The following PDE4B variants were observed in gnomAD, a reference collection of about 807,000 sequenced individuals.
PDE4B encodes phosphodiesterase 4B, also known as 3',5'-cyclic-AMP phosphodiesterase 4B.
In PDE4B, 20 loss-of-function variants were observed where a neutral mutation model predicts 82.2. That is an observed-to-expected ratio of 0.24 (90% CI 0.17 to 0.35). The LOEUF is 0.35. PDE4B is among the 10% of genes least tolerant of loss of function. The probability of loss-of-function intolerance (pLI) is 1.00; values close to 1 mark genes in which losing one functional copy is unlikely to be tolerated. For synonymous variants in PDE4B, 320 were observed against 318.9 expected (o/e 1.00, Z -0.04); for missense variants, 655 against 907.2 (o/e 0.72, Z 3.57).
chr1:66,272,887 T>C (rs1655611077), intron 7 of PDE4B, among the ~76,000 whole-genome samples: 1 of 140,268 alleles, frequency 7.1e-6, no homozygotes, highest in Admixed American at 7.8e-5. Flanking sequence ...GCCTCCCGGG[T>C]TCAAGCGATT....
intron 3 of PDE4B, among the ~76,000 whole-genome samples, chr1:65,952,631 A>G (rs1041378715): frequency 7.2e-5 from 11 of 152,082 alleles, no homozygotes; most frequent in Non-Finnish European, 1.3e-4. Context: ...TCAGTGAGCC[A>G]AGATCATGCC....
At chr1:65,988,441 G>A (rs565892084) in intron 3 of PDE4B, among the ~76,000 whole-genome samples, 11 of 152,242 alleles carry the variant, frequency 7.2e-5, no homozygotes, top group Non-Finnish European at 1.3e-4. Context: ...GAAGAGGTAT[G>A]TTAGTTCATT....
At chr1:65,808,916 C>T (rs894635636) in intron 1 of PDE4B, among the ~76,000 whole-genome samples, 2 of 152,148 alleles carry the variant, frequency 1.3e-5, no homozygotes, top group African/African-American at 4.8e-5. Flanking sequence ...TTAAGAGTAG[C>T]TCATTTTTTG....
chr1:66,027,783 C>T (rs568782897), intron 3 of PDE4B, among the ~76,000 whole-genome samples: 23 of 152,278 alleles, frequency 1.5e-4, no homozygotes, highest in South Asian at 4.1e-4. Context: ...AGCTCCAAAA[C>T]GATCCCTGAC....
intron 1 of PDE4B, among the ~76,000 whole-genome samples, chr1:65,868,402 C>T (rs1271765795): frequency 6.6e-6 from 1 of 152,160 alleles, no homozygotes; most frequent in Non-Finnish European, 1.5e-5. Context: ...CTGTCTGGTG[C>T]TAGGGAGGCA....
chr1:66,107,045 G>T (rs945696246), intron 3 of PDE4B, among the ~76,000 whole-genome samples: 2 of 146,948 alleles, frequency 1.4e-5, no homozygotes, highest in Admixed American at 7.0e-5. Flanking sequence ...GTCAATTTTG[G>T]ATCTTTCCTG....
At chr1:66,311,323 G>A (rs1658651956) in intron 7 of PDE4B, among the ~76,000 whole-genome samples, 1 of 152,206 alleles carries the variant, frequency 6.6e-6, no homozygotes, top group African/African-American at 2.4e-5. Context: ...GATAATTTGA[G>A]ACAATGTGAG....
At chr1:66,358,615 A>G (rs1444461151) in intron 9 of PDE4B, among the ~76,000 whole-genome samples, 1 of 150,920 alleles carries the variant, frequency 6.6e-6, no homozygotes, top group Non-Finnish European at 1.5e-5. Context: ...TGGAGGTTGC[A>G]GTGAGCCAAG....
intron 3 of PDE4B, among the ~76,000 whole-genome samples, chr1:66,057,989 C>G (rs1002087578): frequency 5.9e-5 from 9 of 152,180 alleles, no homozygotes; most frequent in Non-Finnish European, 2.9e-5. Context: ...TCATCTGAGA[C>G]AAGGCAAGTT....
chr1:66,275,705 C>T (rs1655830978), intron 7 of PDE4B, among the ~76,000 whole-genome samples: 1 of 152,068 alleles, frequency 6.6e-6, no homozygotes, highest in Non-Finnish European at 1.5e-5. Context: ...CCCGAGCCAG[C>T]ACATTATGAA....
At position 65,987,544 on chromosome 1, in the gene PDE4B, T is replaced by C. The variant is rs141583682; in HGVS notation, c.281+68709T>C. Among the ~76,000 whole-genome samples the C allele has an allele frequency of 2.2e-4, 34 of 152,266 alleles. No homozygotes were observed. The East Asian group carries it at 6.4e-3, about 28-fold the overall frequency. On this transcript the variant is annotated intron_variant, in intron 3 of 16. Coordinates refer to ENST00000341517, the MANE Select transcript of PDE4B (RefSeq NM_002600.4). The stretch of plus-strand genomic sequence containing the variant: ...AGTATAATAAAATGGACACTATAGT[T>C]AGAGTGGAAAGACCTGGTTTTGAGT...
At chr1:65,890,601 TA>T (rs1287441800) in intron 1 of PDE4B, among the ~76,000 whole-genome samples, 1 of 151,986 alleles carries the variant, frequency 6.6e-6, no homozygotes, top group Non-Finnish European at 1.5e-5. Context: ...ACCAATTAAA[TA>T]ATACCTGTAG....
At chr1:65,846,631 T>G (rs975720893) in intron 1 of PDE4B, among the ~76,000 whole-genome samples, 1 of 152,184 alleles carries the variant, frequency 6.6e-6, no homozygotes, top group African/African-American at 2.4e-5. Flanking sequence ...GGGCAAATTC[T>G]TACAAGTTTG....
chr1:66,300,253 C>T (rs140316010), intron 7 of PDE4B, among the ~76,000 whole-genome samples: 147 of 152,230 alleles, frequency 9.7e-4, no homozygotes, highest in African/African-American at 3.3e-3. Flanking sequence ...AGATACTGAT[C>T]ATGGAAATGA....
At chr1:66,196,217 C>T (rs1648281691) in intron 3 of PDE4B, among the ~76,000 whole-genome samples, 1 of 152,206 alleles carries the variant, frequency 6.6e-6, no homozygotes, top group Non-Finnish European at 1.5e-5. Flanking sequence ...TCTGGAAGGG[C>T]AACTGGCGGC....
In PDE4B at chr1:66,285,300, T is replaced by A. The variant is rs1357896739; in HGVS notation, c.634+19213T>A. Among the ~76,000 whole-genome samples, 3 of 152,190 alleles carry A rather than the reference T, an allele frequency of 2.0e-5. No homozygotes were observed. In the East Asian group the frequency reaches 5.8e-4, roughly 29 times the overall value. On this transcript the variant is annotated intron_variant, in intron 7 of 16. Transcript: ENST00000341517. ...GTCTTTCAATATATGTTCCACAAAG[T>A]CGAACACAAATGTTATTAGCAGCAT...
chr1:65,876,966 G>T (rs1483009503), intron 1 of PDE4B, among the ~76,000 whole-genome samples: 1 of 152,218 alleles, frequency 6.6e-6, no homozygotes, highest in East Asian at 1.9e-4. Context: ...TCATGAAAAT[G>T]GCCATACTGC....
intron 1 of PDE4B, among the ~76,000 whole-genome samples, chr1:65,887,670 G>A (rs999721694): frequency 6.6e-6 from 1 of 151,370 alleles, no homozygotes; most frequent in South Asian, 2.1e-4. Flanking sequence ...CACCTGCCTC[G>A]GCCTCCCAAA....
chr1:66,350,340 G>GTAAC (rs1197830795), intron 8 of PDE4B, among the ~76,000 whole-genome samples: 2 of 152,064 alleles, frequency 1.3e-5, no homozygotes, highest in African/African-American at 4.8e-5. Context: ...ACCCACAAGA[G>GTAAC]TAACTAACTG....
Sources: allele counts gnomAD v4.1 joint callset (sites outside exome capture counted in the v4.1 genomes callset), GRCh38; gene constraint gnomAD v4.1.1; transcripts MANE v1.5; gene names NCBI Gene and HGNC (gene_info 2026-07-23, HGNC 2026-07-21).